CSMD1: variants seen among roughly 807,000 people sequenced by gnomAD.
The protein encoded by CSMD1 is CUB and Sushi multiple domains 1.
CSMD1 carries 213 observed loss-of-function variants against 417.5 expected under a neutral mutation model. The ratio of observed to expected loss-of-function variants is 0.51; its 90% CI spans 0.46 to 0.57. The LOEUF is 0.57. CSMD1 is among the 20% of genes least tolerant of loss of function. The pLI is 0.00. For synonymous variants in CSMD1, 2,862 were observed against 1,736.8 expected, an observed-to-expected ratio of 1.65 and a Z score of -16.11; for missense variants, 6,923 against 4,529.7, an observed-to-expected ratio of 1.53 and a Z score of -15.17.
At chr8:3,101,692 T>C (rs574679792) in intron 46 of CSMD1, among the ~76,000 whole-genome samples, 18 of 152,100 alleles carry the variant, frequency 1.2e-4, no homozygotes, top group African/African-American at 2.4e-4. Flanking sequence ...CCCAAAGTAA[T>C]AGGATTATAG....
chr8:4,967,658 C>T (rs1360365372), intron 1 of CSMD1, among the ~76,000 whole-genome samples: 1 of 152,144 alleles, frequency 6.6e-6, no homozygotes, highest in African/African-American at 2.4e-5. Context: ...TTCTCTGGTT[C>T]TAATGAGCAT....
At chr8:3,199,116 T>C (rs1796856802) in intron 33 of CSMD1, among the ~76,000 whole-genome samples, 1 of 152,224 alleles carries the variant, frequency 6.6e-6, no homozygotes, top group South Asian at 2.1e-4. Flanking sequence ...TTCTTTACTT[T>C]GCAGAATCTT....
At chr8:4,115,476 T>G (rs547703396) in intron 3 of CSMD1, among the ~76,000 whole-genome samples, 48 of 152,312 alleles carry the variant, frequency 3.2e-4, no homozygotes, top group Non-Finnish European at 6.2e-4. Flanking sequence ...ATATAATGCT[T>G]TAGACGTATT....
chr8:3,612,378 C>G (rs747773216), intron 8 of CSMD1, among the ~76,000 whole-genome samples: 1 of 152,094 alleles, frequency 6.6e-6, no homozygotes, highest in African/African-American at 2.4e-5. Flanking sequence ...ATAAATCTCT[C>G]TCAATCACAG....
intron 3 of CSMD1, among the ~76,000 whole-genome samples, chr8:4,275,227 G>A (rs1019075806): frequency 6.6e-6 from 1 of 151,798 alleles, no homozygotes; most frequent in Non-Finnish European, 1.5e-5. Context: ...TGTTTTTATT[G>A]ATTTTTTTAC....
chr8:3,518,995 A>G (rs1013379152), intron 10 of CSMD1, among the ~76,000 whole-genome samples: 1 of 152,180 alleles, frequency 6.6e-6, no homozygotes, highest in South Asian at 2.1e-4. Flanking sequence ...AATATAAATG[A>G]TCTGTTTTTA....
intron 5 of CSMD1, among the ~76,000 whole-genome samples, chr8:3,851,316 A>C (rs74619559): frequency 6.6e-5 from 10 of 152,204 alleles, no homozygotes; most frequent in African/African-American, 2.2e-4. Context: ...TTACACACAT[A>C]AAAGTGGGAA....
At chr8:3,496,360 G>T (rs762074017) in intron 10 of CSMD1, among the ~76,000 whole-genome samples, 1 of 152,088 alleles carries the variant, frequency 6.6e-6, no homozygotes, top group Non-Finnish European at 1.5e-5. Context: ...AAGGATTGAG[G>T]GCAGACACCA....
intron 12 of CSMD1, among the ~76,000 whole-genome samples, chr8:3,430,571 C>T (rs1017788601): frequency 1.3e-5 from 2 of 152,156 alleles, no homozygotes; most frequent in South Asian, 4.1e-4. Context: ...CCTTGGGAAG[C>T]TGAAGCGGGT....
At chr8:3,385,906 A>T (rs1285492114) in intron 18 of CSMD1, among the ~76,000 whole-genome samples, 1 of 152,016 alleles carries the variant, frequency 6.6e-6, no homozygotes, top group Non-Finnish European at 1.5e-5. Context: ...TTCACATATG[A>T]GAGGAAAAAA....
intron 12 of CSMD1, among the ~76,000 whole-genome samples, chr8:3,446,964 CTTG>C (rs1210401809): frequency 2.2e-4 from 34 of 152,218 alleles, no homozygotes; most frequent in African/African-American, 7.9e-4. Context: ...CACATAGTGA[CTTG>C]TTAACAAAGG....
intron 2 of CSMD1, among the ~76,000 whole-genome samples, chr8:4,579,288 TA>T (rs1799296580): frequency 6.6e-6 from 1 of 151,252 alleles, no homozygotes; most frequent in Admixed American, 6.6e-5. Context: ...TGTATATATA[TA>T]AAAAATCCTC....
intron 4 of CSMD1, among the ~76,000 whole-genome samples, chr8:3,999,609 T>C (rs1360463801): frequency 6.6e-6 from 1 of 152,124 alleles, no homozygotes; most frequent in Non-Finnish European, 1.5e-5. Context: ...CAGCACACGG[T>C]TTTTGTTCCC....
chr8:4,808,830 C>T (rs568354571), intron 1 of CSMD1, among the ~76,000 whole-genome samples: 1 of 152,208 alleles, frequency 6.6e-6, no homozygotes, highest in Non-Finnish European at 1.5e-5. Context: ...ATAGTGCTTT[C>T]ATGATTTAAA....
intron 3 of CSMD1, among the ~76,000 whole-genome samples, chr8:4,412,223 G>A (rs1161701808): frequency 2.0e-5 from 3 of 152,092 alleles, no homozygotes; most frequent in African/African-American, 4.8e-5. Flanking sequence ...CAGTATTGGA[G>A]GTAGGGCCTG....
intron 8 of CSMD1, 55 bp downstream of exon 8, chr8:3,616,655 A>C: frequency 1.7e-6 from 2 of 1,152,752 alleles, no homozygotes; most frequent in South Asian, 2.6e-5. Context: ...GCAAGCTGAA[A>C]TAATATATGT....
chr8:4,846,915 G>A (rs1256990553), intron 1 of CSMD1, among the ~76,000 whole-genome samples: 2 of 151,980 alleles, frequency 1.3e-5, no homozygotes, highest in African/African-American at 4.8e-5. Flanking sequence ...TAAAAACCAT[G>A]TGCTTCTAAA....
At chr8:2,976,642 C>G (rs141377114) in intron 55 of CSMD1, among the ~76,000 whole-genome samples, 73 of 152,314 alleles carry the variant, frequency 4.8e-4, no homozygotes, top group African/African-American at 1.7e-3. Flanking sequence ...AGTCACGGCA[C>G]CTGGCCTCCA....
chr8:4,538,063 C>T (rs1797190298), intron 2 of CSMD1, among the ~76,000 whole-genome samples: 1 of 152,066 alleles, frequency 6.6e-6, no homozygotes, highest in Non-Finnish European at 1.5e-5. Flanking sequence ...TTCATCTCTC[C>T]AATAATTCTG....
Sources: gnomAD v4.1 joint callset for allele counts (sites outside exome capture counted in the v4.1 genomes callset) on GRCh38, gnomAD v4.1.1 for gene constraint, MANE v1.5 for transcripts, NCBI Gene and HGNC (gene_info 2026-07-23, HGNC 2026-07-21) for gene names.